ESRRG: variants seen among roughly 807,000 people sequenced by gnomAD.
ESRRG encodes the protein estrogen-related receptor gamma.
Under a neutral mutation model 44.0 loss-of-function variants are expected in ESRRG, and 13 were observed. That is an observed-to-expected ratio of 0.30 (90% CI 0.19 to 0.47). The LOEUF is 0.47. Among genes scored for constraint, ESRRG ranks in the 20% least tolerant of loss-of-function variants. The pLI, the probability that ESRRG is intolerant of heterozygous loss-of-function variation, is 1.00. For synonymous variants in ESRRG, 215 were observed against 214.6 expected (o/e 1.00, Z -0.02); for missense variants, 395 against 580.6 (o/e 0.68, Z 3.29).
chr1:217,111,156 C>G (rs1412914036), intron 1 of ESRRG, among the ~76,000 whole-genome samples: 1 of 152,134 alleles, frequency 6.6e-6, no homozygotes, highest in African/African-American at 2.4e-5. Flanking sequence ...ACCAGGAGCC[C>G]AGGATACCAT....
At chr1:216,525,259 C>G (rs2149018352) in intron 5 of ESRRG, among the ~76,000 whole-genome samples, 1 of 152,200 alleles carries the variant, frequency 6.6e-6, no homozygotes, top group South Asian at 2.1e-4. Flanking sequence ...TTGAAAAGTA[C>G]TAGACACAGG....
At chr1:216,949,020 T>G (rs2066528889) in intron 1 of ESRRG, among the ~76,000 whole-genome samples, 1 of 152,140 alleles carries the variant, frequency 6.6e-6, no homozygotes, top group Non-Finnish European at 1.5e-5. Context: ...GGGCTCAGCA[T>G]TGTTCTGGAT....
intron 1 of ESRRG, among the ~76,000 whole-genome samples, chr1:217,077,471 G>C (rs1436076879): frequency 6.6e-6 from 1 of 151,962 alleles, no homozygotes; most frequent in Non-Finnish European, 1.5e-5. Flanking sequence ...AGCTTTCAAG[G>C]GTAATACGAC....
intron 2 of ESRRG, among the ~76,000 whole-genome samples, chr1:216,653,367 T>G (rs187938953): frequency 6.6e-6 from 1 of 152,314 alleles, no homozygotes; most frequent in Admixed American, 6.5e-5. Flanking sequence ...TTTGATCACG[T>G]CATTATGCTG....
intron 1 of ESRRG, among the ~76,000 whole-genome samples, chr1:217,133,631 T>TCTC (rs2092998462): frequency 3.4e-5 from 2 of 58,448 alleles, no homozygotes; most frequent in African/African-American, 9.8e-5. Context: ...CTTTCTTTCT[T>TCTC]TCTCTCTCTC....
At chr1:216,650,525 T>A (rs368357158) in intron 3 of ESRRG, among the ~76,000 whole-genome samples, 3 of 152,154 alleles carry the variant, frequency 2.0e-5, no homozygotes, top group Non-Finnish European at 2.9e-5. Context: ...TATCATATTT[T>A]AAGTTCTTTG....
chr1:216,712,839 T>C (rs1210376207), intron 1 of ESRRG, among the ~76,000 whole-genome samples: 1 of 152,240 alleles, frequency 6.6e-6, no homozygotes, highest in Non-Finnish European at 1.5e-5. Context: ...CAGTTGTTTT[T>C]AGTGAAAATT....
chr1:216,615,064 T>C (rs2061229496), intron 3 of ESRRG, among the ~76,000 whole-genome samples: 1 of 152,220 alleles, frequency 6.6e-6, no homozygotes, highest in South Asian at 2.1e-4. Flanking sequence ...GTTTCTAGTA[T>C]TTTTAACTAC....
intron 5 of ESRRG, among the ~76,000 whole-genome samples, chr1:216,559,415 A>C (rs2149482831): frequency 6.6e-6 from 1 of 152,342 alleles, no homozygotes; most frequent in African/African-American, 2.4e-5. Flanking sequence ...CAGAGGGTGG[A>C]AACTTGGAGC....
rs958207731 is a variant in ESRRG, at chr1:216,506,181, G to C, written c.*758C>G. 6.5e-6 allele frequency: 1 copy of C among 153,576 alleles called. No individual in the cohort carries two copies. Among genetic ancestry groups the C allele is most frequent in the Non-Finnish European group, 1.5e-5 (1 of 68,676 alleles). The allele number at this position is 153,576 out of a possible 1,614,324, so 9.5% of individuals were successfully genotyped here. On this transcript the variant is annotated 3_prime_UTR_variant, in exon 7 of 7. Transcript: ENST00000408911. ...AAGCAGCCGATGCAACGTTGCTTAAGTTGTCTAATTAGAGGCTGCTCCCAT... is the reference window on the plus strand; with the variant it reads ...AAGCAGCCGATGCAACGTTGCTTAACTTGTCTAATTAGAGGCTGCTCCCAT...
At chr1:216,627,848 G>T (rs547246842) in intron 3 of ESRRG, among the ~76,000 whole-genome samples, 289 of 152,068 alleles carry the variant, frequency 1.9e-3, no homozygotes, top group African/African-American at 6.9e-3. Flanking sequence ...AATGACAAAA[G>T]TTAAACTATT....
At chr1:216,744,562 G>T (rs945600221) in intron 2 of ESRRG, among the ~76,000 whole-genome samples, 11 of 151,894 alleles carry the variant, frequency 7.2e-5, no homozygotes, top group Admixed American at 6.6e-4. Context: ...AAAACACACA[G>T]ATTTCAGGCA....
chr1:216,576,850 AATT>A lies in ESRRG; in HGVS notation c.590-8755_590-8753del, dbSNP rs2061771126. On this transcript the variant is annotated intron_variant, in intron 3 of 6. Coordinates refer to ENST00000408911, the MANE Select transcript of ESRRG (RefSeq NM_001438.4). Reference sequence around the variant, plus strand: ...TCATCTGCAACAGGTGACAAGTTTTAATTGAATGTCTTCTGTCTGCAATTCTGA... The same window carrying A: ...TCATCTGCAACAGGTGACAAGTTTTAGAATGTCTTCTGTCTGCAATTCTGA... Among the ~76,000 whole-genome samples the A allele has an allele frequency of 1.6e-4, 23 of 146,162 alleles. No individual in the cohort carries two copies. In the South Asian group the frequency reaches 5.1e-3, roughly 33 times the overall value.
intron 2 of ESRRG, among the ~76,000 whole-genome samples, chr1:216,817,795 A>G (rs191239816): frequency 6.6e-6 from 1 of 152,330 alleles, no homozygotes; most frequent in Non-Finnish European, 1.5e-5. Context: ...CACATTTAAA[A>G]TTACTGCCTA....
At chr1:216,938,012 T>C (rs984322876) in intron 2 of ESRRG, among the ~76,000 whole-genome samples, 1 of 152,136 alleles carries the variant, frequency 6.6e-6, no homozygotes, top group Non-Finnish European at 1.5e-5. Context: ...AAATTAAAAT[T>C]AATTCCTCTT....
chr1:217,008,932 A>C (rs113192693), intron 1 of ESRRG, among the ~76,000 whole-genome samples: 258 of 152,312 alleles, frequency 1.7e-3, no homozygotes, highest in African/African-American at 5.9e-3. Context: ...TGAGACTTTA[A>C]TCAGAGATTT....
In ESRRG at chr1:216,922,668, G is replaced by A. The variant is rs140902427; in HGVS notation, c.-14+16914C>T. On this transcript the variant is annotated intron_variant, in intron 2 of 7. Transcript: ENST00000359162. ...GTCCGAAGGAAGATGAGAGCAGAAT[G>A]GCAATGAATTGGATTGGCTTTGGAA... Among the ~76,000 whole-genome samples, 91 of 152,274 alleles carry A rather than the reference G, an allele frequency of 6.0e-4. 1 individual carries two copies. The East Asian group carries it at 7.5e-3, about 13-fold the overall frequency.
intron 2 of ESRRG, among the ~76,000 whole-genome samples, chr1:216,796,692 C>T (rs2094477913): frequency 6.6e-6 from 1 of 151,924 alleles, no homozygotes; most frequent in Admixed American, 6.6e-5. Flanking sequence ...CCTTATCTTC[C>T]ATCTTCCTGA....
At chr1:216,534,103 C>T (rs2050194911) in intron 5 of ESRRG, among the ~76,000 whole-genome samples, 1 of 152,082 alleles carries the variant, frequency 6.6e-6, no homozygotes, top group South Asian at 2.1e-4. Flanking sequence ...CACACAAATG[C>T]AGGCACATTG....
Sources: allele counts gnomAD v4.1 joint callset (sites outside exome capture counted in the v4.1 genomes callset), GRCh38; gene constraint gnomAD v4.1.1; transcripts MANE v1.5; gene names NCBI Gene and HGNC (gene_info 2026-07-23, HGNC 2026-07-21).